The following RAB31 variants were observed in gnomAD, a reference collection of about 807,000 sequenced individuals.
RAB31 encodes the protein RAB31, member RAS oncogene family.
In RAB31, 21 loss-of-function variants were observed where a neutral mutation model predicts 25.6. The ratio of observed to expected loss-of-function variants is 0.82; its 90% CI spans 0.58 to 1.18. The LOEUF is 1.18. Among genes scored for constraint, RAB31 ranks in the 50% most tolerant of loss-of-function variants. RAB31 has a pLI of 0.00. For missense variants in RAB31, 196 were observed against 250.1 expected (o/e 0.78, Z 1.46); for synonymous variants, 87 against 84.0 (o/e 1.04, Z -0.20).
intron 3 of RAB31, among the ~76,000 whole-genome samples, chr18:9,808,964 T>C (rs1006716264): frequency 6.6e-6 from 1 of 152,214 alleles, no homozygotes; most frequent in African/African-American, 2.4e-5. Context: ...TTAAGGAATG[T>C]TGCCTGAGGC....
chr18:9,816,501 A>G (rs1337527466), intron 5 of RAB31, among the ~76,000 whole-genome samples: 4 of 152,228 alleles, frequency 2.6e-5, no homozygotes, highest in Non-Finnish European at 5.9e-5. Flanking sequence ...AATATTTTTC[A>G]TAGCATACCT....
At chr18:9,792,423 G>A (rs988004328) in intron 3 of RAB31, among the ~76,000 whole-genome samples, 188 bp downstream of exon 3, 2 of 152,144 alleles carry the variant, frequency 1.3e-5, no homozygotes, top group African/African-American at 4.8e-5. Flanking sequence ...AGGGTGAGGC[G>A]GGGCTGAGTT....
chr18:9,760,818 G>A (rs1035766671), intron 1 of RAB31, among the ~76,000 whole-genome samples: 2 of 152,190 alleles, frequency 1.3e-5, no homozygotes, highest in African/African-American at 2.4e-5. Context: ...CCTGGTGTTA[G>A]GTTCCCTGTT....
At chr18:9,840,914 A>G (rs1335546540) in intron 5 of RAB31, among the ~76,000 whole-genome samples, 1 of 152,162 alleles carries the variant, frequency 6.6e-6, no homozygotes, top group Non-Finnish European at 1.5e-5. Context: ...AAAGGAAGGA[A>G]TTACAACAAA....
chr18:9,756,310 T>G (rs1389676634), intron 1 of RAB31, among the ~76,000 whole-genome samples: 1 of 152,180 alleles, frequency 6.6e-6, no homozygotes, highest in Non-Finnish European at 1.5e-5. Context: ...ACTAGAACAG[T>G]GTAGAGTCAG....
At chr18:9,731,078 C>T (rs765993160) in intron 1 of RAB31, among the ~76,000 whole-genome samples, 2 of 152,210 alleles carry the variant, frequency 1.3e-5, no homozygotes, top group Non-Finnish European at 1.5e-5. Context: ...TTCTTAACAG[C>T]ATATCTGCTG....
intron 1 of RAB31, among the ~76,000 whole-genome samples, chr18:9,750,284 G>T (rs2068227806): frequency 6.6e-6 from 1 of 152,164 alleles, no homozygotes; most frequent in Admixed American, 6.5e-5. Context: ...AGAAAACTCG[G>T]GCTGCCTTTA....
intron 2 of RAB31, among the ~76,000 whole-genome samples, chr18:9,776,737 A>C (rs1424965743): frequency 6.6e-6 from 1 of 152,142 alleles, no homozygotes; most frequent in Admixed American, 6.5e-5. Context: ...GACACCTCAC[A>C]TGCAGGGGGC....
At chr18:9,741,673 G>A (rs1446946093) in intron 1 of RAB31, among the ~76,000 whole-genome samples, 4 of 152,148 alleles carry the variant, frequency 2.6e-5, no homozygotes, top group South Asian at 2.1e-4. Flanking sequence ...GGCAGCCCTC[G>A]GCTGGATCTC....
intron 3 of RAB31, among the ~76,000 whole-genome samples, chr18:9,812,995 C>A (rs893160755): frequency 4.6e-5 from 7 of 152,178 alleles, no homozygotes; most frequent in South Asian, 2.1e-4. Flanking sequence ...CTGCACTCGG[C>A]CCCTCCAGGA....
chr18:9,816,259 CA>C, intron 5 of RAB31: 1 of 179,644 alleles, frequency 5.6e-6, no homozygotes, highest in African/African-American at 2.3e-5. Context: ...TTGATTCAAC[CA>C]GAGAAGAAAT....
At chr18:9,841,015 A>C (rs2068730709) in intron 5 of RAB31, among the ~76,000 whole-genome samples, 1 of 151,938 alleles carries the variant, frequency 6.6e-6, no homozygotes, top group Non-Finnish European at 1.5e-5. Context: ...GCAGCCCCAA[A>C]CTCACCAGGC....
At chr18:9,737,332 C>T (rs931209886) in intron 1 of RAB31, among the ~76,000 whole-genome samples, 18 of 152,140 alleles carry the variant, frequency 1.2e-4, no homozygotes, top group African/African-American at 4.1e-4. Context: ...CCCCCACACC[C>T]ACACACTGTT....
At chr18:9,714,204 C>A (rs777106704) in intron 1 of RAB31, among the ~76,000 whole-genome samples, 1 of 152,178 alleles carries the variant, frequency 6.6e-6, no homozygotes, top group Admixed American at 6.5e-5. Context: ...GGTCCCCAAC[C>A]TTTTTGGCAC....
intron 1 of RAB31, among the ~76,000 whole-genome samples, chr18:9,710,186 G>A (rs934689681): frequency 6.6e-6 from 1 of 152,120 alleles, no homozygotes; most frequent in African/African-American, 2.4e-5. Context: ...GGAAACCTAG[G>A]CTCTCGTTCT....
chr18:9,778,425 G>A lies in RAB31; in HGVS notation c.119+3068G>A, dbSNP rs890422268. 3.3e-5 allele frequency among the ~76,000 whole-genome samples: 5 copies of A among 152,070 alleles called. No individual in the cohort carries two copies. The East Asian group carries it at 9.6e-4, about 29-fold the overall frequency. On this transcript the variant is annotated intron_variant, in intron 2 of 6. Transcript: ENST00000578921. Reference sequence around the variant, plus strand: ...ACCCTTGAACAACTCGGGGATTAAGGGTGCTGAGCCCCGAGTGGTTGAAAA... The same window carrying A: ...ACCCTTGAACAACTCGGGGATTAAGAGTGCTGAGCCCCGAGTGGTTGAAAA...
chr18:9,830,753 C>T (rs2068673997), intron 5 of RAB31: 1 of 152,084 alleles, frequency 6.6e-6, no homozygotes, highest in South Asian at 2.1e-4. Context: ...AAAATATTTC[C>T]ATACCTCCAA....
rs546871656 is a variant in RAB31, at chr18:9,807,441, C to T, written c.202-6579C>T. Among the ~76,000 whole-genome samples, 20 of 152,074 alleles carry T rather than the reference C, an allele frequency of 1.3e-4. 1 individual carries two copies. The South Asian group carries it at 2.7e-3, about 21-fold the overall frequency. ...TGGCTTTCCCCGCAAATGCATATCA[C>T]GGTGGCTGTGTATGATGCGAATAGA... is the stretch of plus-strand genomic sequence containing the variant. On this transcript the variant is annotated intron_variant, in intron 3 of 6. Coordinates refer to ENST00000578921, the MANE Select transcript of RAB31 (RefSeq NM_006868.4).
chr18:9,771,670 T>G (rs537292576), intron 1 of RAB31, among the ~76,000 whole-genome samples: 1 of 152,338 alleles, frequency 6.6e-6, no homozygotes, highest in Non-Finnish European at 1.5e-5. Flanking sequence ...GGTGTGCCCC[T>G]GGTGGCCAGC....
Sources: gnomAD v4.1 joint callset for allele counts (sites outside exome capture counted in the v4.1 genomes callset) on GRCh38, gnomAD v4.1.1 for gene constraint, MANE v1.5 for transcripts, NCBI Gene and HGNC (gene_info 2026-07-23, HGNC 2026-07-21) for gene names.